Variants in ADGRL2 observed in about 807,000 individuals in gnomAD.
ADGRL2 encodes the protein calcium-independent alpha-latrotoxin receptor 2.
Under a neutral mutation model 157.4 loss-of-function variants are expected in ADGRL2, and 44 were observed. The observed-to-expected ratio is 0.28, with a 90% CI of 0.22 to 0.36. The LOEUF is 0.36. Among genes scored for constraint, ADGRL2 ranks in the 10% least tolerant of loss-of-function variants. The pLI, the probability that ADGRL2 is intolerant of heterozygous loss-of-function variation, is 1.00. For missense variants in ADGRL2, 1,510 were observed against 1,768.9 expected, an observed-to-expected ratio of 0.85 and a Z score of 2.63; for synonymous variants, 585 against 624.7, an observed-to-expected ratio of 0.94 and a Z score of 0.95.
upstream of ADGRL2, among the ~76,000 whole-genome samples, chr1:81,697,273 T>C (rs1232643234): frequency 6.6e-6 from 1 of 152,212 alleles, no homozygotes; most frequent in Non-Finnish European, 1.5e-5. Flanking sequence ...GGATTAAAAT[T>C]ATCTATGTCA....
chr1:81,691,581 C>T lies in ADGRL2; in HGVS notation c.-142-70230C>T, dbSNP rs990872724. Among the ~76,000 whole-genome samples the T allele has an allele frequency of 9.9e-5, 15 of 152,034 alleles. 1 individual carries two copies. Among genetic ancestry groups the T allele is most frequent in the African/African-American group, 2.9e-4 (12 of 41,484 alleles). On this transcript the variant is annotated intron_variant, in intron 3 of 24. Coordinates refer to the ADGRL2 transcript ENST00000370721. ...TGGCACGATCTCGGCTCACTGCAAC[C>T]TCCACTTCCTGGGTTCAAGTGATTC... is the stretch of plus-strand genomic sequence containing the variant.
chr1:81,485,031 T>C (rs2078470731), intron 2 of ADGRL2, among the ~76,000 whole-genome samples: 1 of 152,136 alleles, frequency 6.6e-6, no homozygotes, highest in Admixed American at 6.6e-5. Flanking sequence ...CATCCAATGA[T>C]AAATATACAG....
chr1:81,747,248 T>C lies in ADGRL2; in HGVS notation c.-142-14563T>C, dbSNP rs1183899122. Among the ~76,000 whole-genome samples the C allele has an allele frequency of 2.7e-5, 4 of 148,606 alleles. No individual in the cohort carries two copies. The Admixed American group carries it at 2.7e-4, about 10-fold the overall frequency. On this transcript the variant is annotated intron_variant, in intron 1 of 20. Coordinates refer to the ADGRL2 transcript ENST00000359929. Reference sequence around the variant, plus strand: ...ATGTATATATACATATATATGTATATGTGTGTATATATGTATATGTGTATA... The same window carrying C: ...ATGTATATATACATATATATGTATACGTGTGTATATATGTATATGTGTATA...
intron 2 of ADGRL2, among the ~76,000 whole-genome samples, chr1:81,793,459 A>T (rs2149426668): frequency 6.6e-6 from 1 of 152,278 alleles, no homozygotes; most frequent in East Asian, 1.9e-4. Context: ...TTAATGGCAT[A>T]TTAAGACACA....
chr1:81,499,308 C>G (rs1320808468), intron 2 of ADGRL2, among the ~76,000 whole-genome samples: 2 of 152,242 alleles, frequency 1.3e-5, no homozygotes, highest in Non-Finnish European at 2.9e-5. Context: ...CTAGGCTCTG[C>G]TTTTGCAGGC....
intron 1 of ADGRL2, chr1:81,721,714 C>A: frequency 2.9e-6 from 4 of 1,384,300 alleles, no homozygotes; most frequent in Non-Finnish European, 3.0e-6. Context: ...GCAAAGTGAA[C>A]GAGCAGGCCC....
chr1:81,568,388 T>C (rs2080610739), intron 2 of ADGRL2, among the ~76,000 whole-genome samples: 1 of 152,128 alleles, frequency 6.6e-6, no homozygotes. Context: ...ACACATCCTA[T>C]TAATCCCATC....
intron 1 of ADGRL2, among the ~76,000 whole-genome samples, chr1:81,312,359 G>A (rs566641761): frequency 2.0e-5 from 3 of 152,296 alleles, no homozygotes; most frequent in East Asian, 1.9e-4. Flanking sequence ...TACAATGATC[G>A]CCAGCCAGCA....
At chr1:81,390,600 C>T (rs1207208136) in intron 1 of ADGRL2, among the ~76,000 whole-genome samples, 6 of 152,306 alleles carry the variant, frequency 3.9e-5, no homozygotes, top group African/African-American at 1.4e-4. Flanking sequence ...CAATTTATTG[C>T]ATATTCTTCC....
At chr1:81,388,963 C>T (rs1254488895) in intron 1 of ADGRL2, among the ~76,000 whole-genome samples, 1 of 152,022 alleles carries the variant, frequency 6.6e-6, no homozygotes, top group Non-Finnish European at 1.5e-5. Flanking sequence ...TGTTTGAAGA[C>T]CCCCAAAGAG....
At chr1:81,407,303 C>G (rs2076870510) in intron 1 of ADGRL2, among the ~76,000 whole-genome samples, 2 of 152,314 alleles carry the variant, frequency 1.3e-5, no homozygotes, top group South Asian at 4.1e-4. Context: ...AGTGGGGGAA[C>G]AAGCAAAGGT....
intron 3 of ADGRL2, among the ~76,000 whole-genome samples, chr1:81,649,784 G>A (rs1339674096): frequency 6.6e-6 from 1 of 152,126 alleles, no homozygotes; most frequent in Non-Finnish European, 1.5e-5. Context: ...GAGGAGCACA[G>A]CTGTGAGTTA....
chr1:81,379,780 TTCTG>T (rs1375179043), intron 1 of ADGRL2, among the ~76,000 whole-genome samples: 1 of 152,192 alleles, frequency 6.6e-6, no homozygotes, highest in African/African-American at 2.4e-5. Flanking sequence ...GTCCAGCAGC[TTCTG>T]TCTGTGCCTT....
intron 2 of ADGRL2, among the ~76,000 whole-genome samples, chr1:81,486,918 A>G (rs1403414528): frequency 6.6e-6 from 1 of 152,068 alleles, no homozygotes; most frequent in Non-Finnish European, 1.5e-5. Context: ...AGACTACCAG[A>G]CGGAAGTAAT....
At chr1:81,588,350 C>T (rs531498451) in intron 3 of ADGRL2, 1 of 152,416 alleles carries the variant, frequency 6.6e-6, no homozygotes, top group East Asian at 1.9e-4. Flanking sequence ...CAGGCCACCC[C>T]TTGCACTCCT....
chr1:81,609,770 C>A (rs1287504984), intron 3 of ADGRL2, among the ~76,000 whole-genome samples: 1 of 152,224 alleles, frequency 6.6e-6, no homozygotes, highest in Non-Finnish European at 1.5e-5. Flanking sequence ...ATGGAAGATT[C>A]ATAGATCAAG....
intron 1 of ADGRL2, among the ~76,000 whole-genome samples, chr1:81,406,386 A>G (rs536970393): frequency 6.6e-6 from 1 of 152,320 alleles, no homozygotes; most frequent in South Asian, 2.1e-4. Flanking sequence ...TCTTGAGTGA[A>G]GAAGTGAAAC....
At chr1:81,530,690 T>C (rs1211449805) in intron 2 of ADGRL2, among the ~76,000 whole-genome samples, 1 of 152,120 alleles carries the variant, frequency 6.6e-6, no homozygotes, top group African/African-American at 2.4e-5. Context: ...TCAGCCTTAT[T>C]ACTCTGGGAC....
Position 81,324,399 on chromosome 1 carries a change from T to G in ADGRL2, c.-302+17890T>G, listed in dbSNP as rs546656121. 2.6e-4 allele frequency among the ~76,000 whole-genome samples: 40 copies of G among 151,360 alleles called. 1 individual carries two copies. In the Middle Eastern group the frequency reaches 0.014, roughly 52 times the overall value. ...TGGCATGTGCCTGTAGTCCCAGCTA[T>G]TCGGAAAGCTGAGGCAGGAGGATGG... is the stretch of plus-strand genomic sequence containing the variant. On this transcript the variant is annotated intron_variant, in intron 1 of 24. Transcript: ENST00000370721.
Sources: gnomAD v4.1 joint callset for allele counts (sites outside exome capture counted in the v4.1 genomes callset) on GRCh38, gnomAD v4.1.1 for gene constraint, MANE v1.5 for transcripts, NCBI Gene and HGNC (gene_info 2026-07-23, HGNC 2026-07-21) for gene names.